POU6F2: variants seen among roughly 807,000 people sequenced by gnomAD.
POU6F2 encodes the protein POU domain, class 6, transcription factor 2.
Under a neutral mutation model 71.3 loss-of-function variants are expected in POU6F2, and 31 were observed. The observed-to-expected ratio is 0.43, with a 90% CI of 0.33 to 0.59. POU6F2 has a LOEUF of 0.59. Among genes scored for constraint, POU6F2 ranks in the 20% least tolerant of loss-of-function variants. The pLI is 0.04. For synonymous variants in POU6F2, 347 were observed against 355.7 expected (o/e 0.98, Z 0.27); for missense variants, 783 against 856.8 (o/e 0.91, Z 1.07).
chr7:39,325,476 G>T (rs542816335), intron 4 of POU6F2, among the ~76,000 whole-genome samples: 5 of 152,186 alleles, frequency 3.3e-5, no homozygotes, highest in Non-Finnish European at 7.3e-5. Flanking sequence ...GATTCGTGGC[G>T]ATGTGAGAGA....
intron 1 of POU6F2, among the ~76,000 whole-genome samples, chr7:39,069,071 G>A (rs1210555237): frequency 1.3e-5 from 2 of 152,132 alleles, no homozygotes; most frequent in Non-Finnish European, 1.5e-5. Flanking sequence ...GAACCTCTGC[G>A]ACATTGCCCA....
intron 2 of POU6F2, among the ~76,000 whole-genome samples, chr7:39,174,228 G>C (rs1471142628): frequency 2.0e-5 from 3 of 152,188 alleles, no homozygotes; most frequent in African/African-American, 7.2e-5. Flanking sequence ...AGATAATGCT[G>C]TATGAAAGGC....
chr7:39,238,917 T>C (rs1162414709), intron 4 of POU6F2, among the ~76,000 whole-genome samples: 5 of 152,060 alleles, frequency 3.3e-5, no homozygotes, highest in Admixed American at 2.6e-4. Context: ...AAACTGAACA[T>C]AGAAGGGTAC....
At chr7:39,370,816 A>C (rs566784182) in intron 5 of POU6F2, among the ~76,000 whole-genome samples, 206 of 152,312 alleles carry the variant, frequency 1.4e-3, no homozygotes, top group Non-Finnish European at 1.9e-3. Flanking sequence ...TGACCTTTGA[A>C]CTTGAACTTC....
At chr7:39,369,886 G>T (rs1020578024) in intron 5 of POU6F2, among the ~76,000 whole-genome samples, 17 of 151,368 alleles carry the variant, frequency 1.1e-4, no homozygotes, top group African/African-American at 3.6e-4. Context: ...TAGAGGCAGG[G>T]TCTCACTATG....
At chr7:38,996,649 C>A (rs1788746847) in intron 1 of POU6F2, among the ~76,000 whole-genome samples, 1 of 152,196 alleles carries the variant, frequency 6.6e-6, no homozygotes, top group Non-Finnish European at 1.5e-5. Flanking sequence ...AAATCCACTC[C>A]ACCTGAAAGA....
At chr7:39,256,137 CT>C (rs36038117) in intron 4 of POU6F2, among the ~76,000 whole-genome samples, 84,421 of 147,568 alleles carry the variant, frequency 0.57, 24,026 homozygotes, top group African/African-American at 0.67. Flanking sequence ...TGATACACTG[CT>C]TTTTTTTTTT....
intron 1 of POU6F2, among the ~76,000 whole-genome samples, chr7:39,057,982 A>G (rs1790570971): frequency 2.6e-5 from 4 of 152,198 alleles, no homozygotes; most frequent in Admixed American, 2.6e-4. Context: ...CTGGATGACC[A>G]GAAATGTTAA....
At chr7:39,309,863 C>T (rs983462060) in intron 4 of POU6F2, among the ~76,000 whole-genome samples, 2 of 152,154 alleles carry the variant, frequency 1.3e-5, no homozygotes, top group East Asian at 1.9e-4. Context: ...CCTTTTCTCG[C>T]AGATAAGAAA....
intron 5 of POU6F2, among the ~76,000 whole-genome samples, chr7:39,341,881 C>T (rs1785924773): frequency 6.6e-6 from 1 of 152,164 alleles, no homozygotes; most frequent in African/African-American, 2.4e-5. Context: ...GACCACGCAG[C>T]CTCATGAAAA....
chr7:39,266,375 T>C (rs1336286340), intron 4 of POU6F2, among the ~76,000 whole-genome samples: 1 of 152,104 alleles, frequency 6.6e-6, no homozygotes, highest in African/African-American at 2.4e-5. Flanking sequence ...AGCAAAGAGC[T>C]CCTGAATAAG....
chr7:39,375,211 G>A (rs184184245), intron 5 of POU6F2, among the ~76,000 whole-genome samples: 1 of 152,174 alleles, frequency 6.6e-6, no homozygotes, highest in Admixed American at 6.5e-5. Context: ...TCCATTCAGG[G>A]GATTACATGG....
chr7:39,121,367 A>G (rs568584036), intron 2 of POU6F2, among the ~76,000 whole-genome samples: 1 of 152,346 alleles, frequency 6.6e-6, no homozygotes, highest in South Asian at 2.1e-4. Context: ...GGCCCTTAGT[A>G]GATGCTGGCT....
At chr7:39,162,278 T>A (rs1793012813) in intron 2 of POU6F2, among the ~76,000 whole-genome samples, 1 of 152,150 alleles carries the variant, frequency 6.6e-6, no homozygotes, top group Non-Finnish European at 1.5e-5. Flanking sequence ...TTACAGTAGT[T>A]AGGATATTTT....
intron 2 of POU6F2, among the ~76,000 whole-genome samples, chr7:39,160,445 G>A (rs1792971675): frequency 6.6e-6 from 1 of 152,064 alleles, no homozygotes. Context: ...TGGAGCCTCT[G>A]TCCCAGTCCG....
At chr7:39,005,880 G>A (rs1429071712) in intron 1 of POU6F2, among the ~76,000 whole-genome samples, 1 of 152,154 alleles carries the variant, frequency 6.6e-6, no homozygotes, top group South Asian at 2.1e-4. Flanking sequence ...GTGGCATGCA[G>A]CAGTAAAATG....
intron 7 of POU6F2, among the ~76,000 whole-genome samples, chr7:39,448,275 A>T (rs906031526): frequency 6.6e-6 from 1 of 152,204 alleles, no homozygotes; most frequent in Non-Finnish European, 1.5e-5. Flanking sequence ...CTTGCAAATG[A>T]TTCTAGAATT....
At chr7:39,209,637 G>GC (rs1040701126) in intron 4 of POU6F2, among the ~76,000 whole-genome samples, 2 of 152,158 alleles carry the variant, frequency 1.3e-5, no homozygotes, top group African/African-American at 4.8e-5. Context: ...AAAGTCTCAT[G>GC]CCTCAAAAGT....
At chr7:39,260,202 C>G (rs542207542) in intron 4 of POU6F2, among the ~76,000 whole-genome samples, 198 of 148,816 alleles carry the variant, frequency 1.3e-3, no homozygotes, top group African/African-American at 4.6e-3. Context: ...ACACACAATA[C>G]CACACACACC....
Sources: gnomAD v4.1 joint callset for allele counts (sites outside exome capture counted in the v4.1 genomes callset) on GRCh38, gnomAD v4.1.1 for gene constraint, MANE v1.5 for transcripts, NCBI Gene and HGNC (gene_info 2026-07-23, HGNC 2026-07-21) for gene names.